The following LYPD6B variants were observed in gnomAD, a reference collection of about 807,000 sequenced individuals.
LYPD6B encodes the protein ly6/PLAUR domain-containing protein 6B.
A neutral mutation model predicts 22.8 loss-of-function variants in LYPD6B; 17 were observed. The ratio of observed to expected loss-of-function variants is 0.75; its 90% CI spans 0.51 to 1.12. The LOEUF (loss-of-function observed/expected upper bound fraction) is 1.12, where lower values mean the gene tolerates loss of function less well. Among genes scored for constraint, LYPD6B ranks in the 50% most tolerant of loss-of-function variants. The pLI is 0.00. For synonymous variants in LYPD6B, 106 were observed against 91.6 expected (o/e 1.16, Z -0.90); for missense variants, 221 against 258.3 (o/e 0.86, Z 0.99).
In LYPD6B at chr2:149,120,784, C is replaced by T. The variant is rs981440222; in HGVS notation, c.-66-10099C>T. Among the ~76,000 whole-genome samples, 57 of 95,518 alleles carry T rather than the reference C, an allele frequency of 6.0e-4. 1 individual carries two copies. The highest frequency in any genetic ancestry group is 1.1e-3 in the African/African-American group (24 of 21,270). 62.7% of individuals were successfully genotyped at this position (95,518 alleles called of 152,430 possible). A position where few individuals can be genotyped will look rare whatever the true frequency, so the allele number is the denominator to read the frequency against. Reference sequence around the variant, plus strand: ...ATTTTTTGCTACTATGCTACAAAGTCTTTTTTTTTTTTTTTTTTTTTGTGA... The same window carrying T: ...ATTTTTTGCTACTATGCTACAAAGTTTTTTTTTTTTTTTTTTTTTTTGTGA... On this transcript the variant is annotated intron_variant, in intron 1 of 6. Transcript: ENST00000409642.
At chr2:149,097,282 A>G (rs1685948112) in intron 1 of LYPD6B, among the ~76,000 whole-genome samples, 1 of 152,184 alleles carries the variant, frequency 6.6e-6, no homozygotes, top group Admixed American at 6.5e-5. Flanking sequence ...AGATGCAGAC[A>G]ATGGGAACGT....
chr2:149,170,515 G>A (rs148131353), intron 3 of LYPD6B, among the ~76,000 whole-genome samples: 232 of 152,242 alleles, frequency 1.5e-3, no homozygotes, highest in African/African-American at 5.3e-3. Context: ...AAATTTGGAT[G>A]TATGGGTAGT....
chr2:149,115,139 A>T (rs1686940701), intron 1 of LYPD6B, among the ~76,000 whole-genome samples: 1 of 152,106 alleles, frequency 6.6e-6, no homozygotes, highest in East Asian at 1.9e-4. Flanking sequence ...GGGTTTCACC[A>T]TGTTGGCCAG....
intron 1 of LYPD6B, among the ~76,000 whole-genome samples, chr2:149,097,669 A>T (rs968028364): frequency 1.8e-4 from 27 of 152,202 alleles, no homozygotes; most frequent in African/African-American, 6.3e-4. Context: ...GATAGAGTAG[A>T]TGTAATCAGG....
At chr2:149,164,555 A>C (rs1488381423) in intron 3 of LYPD6B, among the ~76,000 whole-genome samples, 1 of 152,210 alleles carries the variant, frequency 6.6e-6, no homozygotes, top group Admixed American at 6.5e-5. Context: ...CAAGGAAGCC[A>C]AATTCAGGCA....
intron 1 of LYPD6B, among the ~76,000 whole-genome samples, chr2:149,096,740 G>A (rs1310131261): frequency 6.6e-6 from 1 of 152,056 alleles, no homozygotes; most frequent in African/African-American, 2.4e-5. Context: ...TTCTGCAGGT[G>A]GGAAAAGATA....
chr2:149,130,530 A>G (rs541127769), intron 1 of LYPD6B, among the ~76,000 whole-genome samples: 1 of 152,330 alleles, frequency 6.6e-6, no homozygotes, highest in East Asian at 1.9e-4. Flanking sequence ...TTCTGCATCT[A>G]AAAGAGGGTA....
intron 1 of LYPD6B, among the ~76,000 whole-genome samples, chr2:149,111,637 AG>A (rs1188807350): frequency 6.6e-6 from 1 of 152,194 alleles, no homozygotes; most frequent in Non-Finnish European, 1.5e-5. Flanking sequence ...TTAAGGAGGC[AG>A]TTGGACACAC....
chr2:149,196,609 G>A (rs1007054815), intron 3 of LYPD6B, among the ~76,000 whole-genome samples: 10 of 152,158 alleles, frequency 6.6e-5, no homozygotes, highest in African/African-American at 2.4e-4. Flanking sequence ...GAAGGCAGTT[G>A]AGATTATAGG....
At chr2:149,151,344 T>C (rs1689362645) in intron 2 of LYPD6B, among the ~76,000 whole-genome samples, 1 of 152,160 alleles carries the variant, frequency 6.6e-6, no homozygotes, top group African/African-American at 2.4e-5. Flanking sequence ...TGCAGGGTGC[T>C]TCAGTATTCA....
intron 1 of LYPD6B, among the ~76,000 whole-genome samples, chr2:149,084,193 A>G (rs149214286): frequency 0.01 from 1,551 of 152,324 alleles, 67 homozygotes; most frequent in Admixed American, 0.076. Flanking sequence ...CTGTTTCCCA[A>G]CAACTTTCCA....
chr2:149,120,782 G>GTAT (rs1559010612), intron 1 of LYPD6B, among the ~76,000 whole-genome samples: 2 of 85,832 alleles, frequency 2.3e-5, no homozygotes, highest in Non-Finnish European at 4.3e-5. Flanking sequence ...ATGCTACAAA[G>GTAT]TCTTTTTTTT....
chr2:149,152,974 C>T (rs427657), intron 2 of LYPD6B, among the ~76,000 whole-genome samples: 98,794 of 151,988 alleles, frequency 0.65, 32,278 homozygotes, highest in South Asian at 0.76. Context: ...GGCAAGTGCT[C>T]TAAGGAAGCA....
chr2:149,106,935 G>A (rs1355786582), intron 1 of LYPD6B, among the ~76,000 whole-genome samples: 1 of 151,792 alleles, frequency 6.6e-6, no homozygotes, highest in Non-Finnish European at 1.5e-5. Context: ...TATCTGCAGG[G>A]GATGTGCTCC....
chr2:149,130,814 T>A, intron 1 of LYPD6B, 69 bp from the exon 2 acceptor site: 2 of 726,754 alleles, frequency 2.8e-6, no homozygotes. Flanking sequence ...CCTACTTACT[T>A]AAAATCCCTT....
intron 1 of LYPD6B, among the ~76,000 whole-genome samples, chr2:149,094,261 A>G (rs1685801649): frequency 6.6e-6 from 1 of 152,252 alleles, no homozygotes; most frequent in South Asian, 2.1e-4. Context: ...ATGCAATTTT[A>G]CTAAATAAAT....
intron 2 of LYPD6B, among the ~76,000 whole-genome samples, chr2:149,134,115 G>A (rs77691849): frequency 1.8e-3 from 277 of 152,208 alleles, no homozygotes; most frequent in African/African-American, 6.4e-3. Flanking sequence ...AGAAGGGGAC[G>A]TACAGCGGAG....
chr2:149,211,104 G>C (rs1405544215), intron 5 of LYPD6B, among the ~76,000 whole-genome samples: 1 of 152,054 alleles, frequency 6.6e-6, no homozygotes, highest in Non-Finnish European at 1.5e-5. Context: ...AAAGAGAGGG[G>C]GGAGGTGCTA....
chr2:149,196,081 C>T (rs1333785702), intron 3 of LYPD6B, among the ~76,000 whole-genome samples: 1 of 152,138 alleles, frequency 6.6e-6, no homozygotes, highest in Non-Finnish European at 1.5e-5. Flanking sequence ...AATTAAAACA[C>T]TATTTAACAT....
Sources: allele counts gnomAD v4.1 joint callset (sites outside exome capture counted in the v4.1 genomes callset), GRCh38; gene constraint gnomAD v4.1.1; transcripts MANE v1.5; gene names NCBI Gene and HGNC (gene_info 2026-07-23, HGNC 2026-07-21).